Variants in PTPRD observed in about 807,000 individuals in gnomAD.
PTPRD encodes the protein receptor-type tyrosine-protein phosphatase delta.
In PTPRD, 34 loss-of-function variants were observed where a neutral mutation model predicts 214.5. That is an observed-to-expected ratio of 0.16 (90% CI 0.12 to 0.21). PTPRD has a LOEUF of 0.21. Among genes scored for constraint, PTPRD ranks in the 10% least tolerant of loss-of-function variants. PTPRD has a pLI of 1.00. For missense variants in PTPRD, 2,545 were observed against 2,398.7 expected (o/e 1.06, Z -1.27); for synonymous variants, 1,128 against 845.7 (o/e 1.33, Z -5.79).
Position 10,306,840 on chromosome 9 carries a change from C to T in PTPRD, c.-545+34123G>A, listed in dbSNP as rs1234369121. Among the ~76,000 whole-genome samples, 5 of 152,094 alleles carry T rather than the reference C, an allele frequency of 3.3e-5. No homozygotes were observed. The Middle Eastern group carries it at 0.01, about 313-fold the overall frequency. The stretch of plus-strand genomic sequence containing the variant: ...GTTCTAGTATTATCTCATTGGCATC[C>T]TAATTATAAATCTGCTATTATTCAT... On this transcript the variant is annotated intron_variant, in intron 3 of 45. Transcript: ENST00000381196.
intron 10 of PTPRD, among the ~76,000 whole-genome samples, chr9:9,037,070 T>C (rs1210706728): frequency 6.6e-6 from 1 of 152,128 alleles, no homozygotes; most frequent in African/African-American, 2.4e-5. Flanking sequence ...CAATGGTATG[T>C]CCATTTAAGA....
rs571153654 is a variant in PTPRD at position 10,400,083 on chromosome 9, T to C, written c.-599-59066A>G. Among the ~76,000 whole-genome samples, 44 of 151,934 alleles carry C rather than the reference T, an allele frequency of 2.9e-4. 1 individual carries two copies. The highest frequency in any genetic ancestry group is 1.0e-3 in the African/African-American group (42 of 41,518). On this transcript the variant is annotated intron_variant, in intron 2 of 45. Coordinates refer to ENST00000381196, the MANE Select transcript of PTPRD (RefSeq NM_002839.4). ...TATTTTATAGAGCATAACTCCGATA[T>C]AGTGGTTAAGCATGTGTTCACAGAA...
intron 14 of PTPRD, among the ~76,000 whole-genome samples, chr9:8,563,322 G>A (rs2087249979): frequency 6.6e-6 from 1 of 151,734 alleles, no homozygotes; most frequent in Non-Finnish European, 1.5e-5. Flanking sequence ...CAGACTGTAT[G>A]TTTTAGATAT....
At chr9:8,745,908 C>T (rs1236200282) in intron 11 of PTPRD, among the ~76,000 whole-genome samples, 1 of 152,048 alleles carries the variant, frequency 6.6e-6, no homozygotes, top group Non-Finnish European at 1.5e-5. Flanking sequence ...AGCTATCCTC[C>T]CGCCTCTACC....
Position 9,304,003 on chromosome 9 carries a change from G to T in PTPRD, c.-203+93446C>A, listed in dbSNP as rs886931008. ...CCTACTTCTTTCTACTCTCCAACTG[G>T]GCTCAAGGAGGGAACCCTTTCCAAC... On this transcript the variant is annotated intron_variant, in intron 9 of 45. Transcript: ENST00000381196. Among the ~76,000 whole-genome samples the T allele has an allele frequency of 2.6e-5, 4 of 152,018 alleles. No homozygotes were observed. In the South Asian group the frequency reaches 8.3e-4, roughly 32 times the overall value.
chr9:8,747,344 C>T (rs1289354214), intron 11 of PTPRD, among the ~76,000 whole-genome samples: 2 of 152,014 alleles, frequency 1.3e-5, no homozygotes, highest in Non-Finnish European at 2.9e-5. Flanking sequence ...TCCTCCATTC[C>T]CATACAACAA....
chr9:8,476,316 C>T (rs1180562989), intron 30 of PTPRD, among the ~76,000 whole-genome samples: 1 of 152,142 alleles, frequency 6.6e-6, no homozygotes, highest in African/African-American at 2.4e-5. Flanking sequence ...ATTCTAATGC[C>T]ACCACTGATC....
chr9:9,348,774 C>A (rs192352362), intron 9 of PTPRD, among the ~76,000 whole-genome samples: 3 of 152,160 alleles, frequency 2.0e-5, no homozygotes, highest in Admixed American at 2.0e-4. Context: ...AACATTTGTG[C>A]TATGGAGATT....
At chr9:9,072,934 C>T (rs544517029) in intron 10 of PTPRD, among the ~76,000 whole-genome samples, 8 of 152,104 alleles carry the variant, frequency 5.3e-5, no homozygotes, top group Non-Finnish European at 7.4e-5. Context: ...TAAAAAATTA[C>T]GTGCCATCTT....
intron 12 of PTPRD, among the ~76,000 whole-genome samples, chr9:8,651,035 A>C (rs540275125): frequency 6.6e-6 from 1 of 152,302 alleles, no homozygotes; most frequent in South Asian, 2.1e-4. Context: ...TTTCTGGTAT[A>C]CTTCCAATTG....
At chr9:9,440,060 A>T (rs1160571458) in intron 8 of PTPRD, among the ~76,000 whole-genome samples, 1 of 152,172 alleles carries the variant, frequency 6.6e-6, no homozygotes, top group Non-Finnish European at 1.5e-5. Flanking sequence ...GAAACCATAA[A>T]AATTCCTTCA....
chr9:10,105,065 T>C (rs752582868), intron 3 of PTPRD, among the ~76,000 whole-genome samples: 14 of 151,892 alleles, frequency 9.2e-5, no homozygotes, highest in Non-Finnish European at 1.6e-4. Context: ...ACATCTTTCC[T>C]GAACTAGCCT....
At chr9:8,968,711 A>C (rs976790633) in intron 11 of PTPRD, among the ~76,000 whole-genome samples, 1 of 152,126 alleles carries the variant, frequency 6.6e-6, no homozygotes, top group Non-Finnish European at 1.5e-5. Flanking sequence ...GAATCCAAAT[A>C]GTGTGATTTC....
chr9:10,610,416 T>G (rs976513055), intron 2 of PTPRD, among the ~76,000 whole-genome samples: 1 of 152,206 alleles, frequency 6.6e-6, no homozygotes. Flanking sequence ...GTGTAAAATA[T>G]GTCCTATACT....
intron 8 of PTPRD, among the ~76,000 whole-genome samples, chr9:9,407,158 G>A (rs903699608): frequency 2.0e-5 from 3 of 151,638 alleles, no homozygotes; most frequent in African/African-American, 4.8e-5. Context: ...TTGGCTTATC[G>A]ATATCTGAAA....
At chr9:10,132,696 C>A (rs1322159) in intron 3 of PTPRD, among the ~76,000 whole-genome samples, 16,044 of 152,182 alleles carry the variant, frequency 0.11, 1,119 homozygotes, top group South Asian at 0.26. Flanking sequence ...AGTAAGAGAT[C>A]AGGTAAGTGG....
rs34129547 is a variant in PTPRD at position 8,426,454 on chromosome 9, G to A, written c.4086+10138C>T. Among the ~76,000 whole-genome samples, 832 of 152,296 alleles carry A rather than the reference G, an allele frequency of 5.5e-3. 5 individuals are homozygous for A. Among genetic ancestry groups the A allele is most frequent in the Non-Finnish European group, 9.2e-3 (623 of 68,016 alleles). ...ATAAAAATGCAACTCAATAAAGAGT[G>A]TCTTTTTTCAGTCCTTGCTATGGTC... On this transcript the variant is annotated intron_variant, in intron 35 of 45. Coordinates refer to ENST00000381196, the MANE Select transcript of PTPRD (RefSeq NM_002839.4).
chr9:10,388,235 C>T (rs962883024), intron 2 of PTPRD, among the ~76,000 whole-genome samples: 21 of 151,634 alleles, frequency 1.4e-4, no homozygotes, highest in African/African-American at 2.4e-4. Flanking sequence ...AACAGAGAAA[C>T]GTGTGATTCA....
chr9:9,562,515 C>T (rs1283349815), intron 8 of PTPRD, among the ~76,000 whole-genome samples: 6 of 152,152 alleles, frequency 3.9e-5, no homozygotes, highest in Admixed American at 3.3e-4. Context: ...AAAGCTCTAC[C>T]TGACCTGCCT....
Sources: allele counts gnomAD v4.1 joint callset (sites outside exome capture counted in the v4.1 genomes callset), GRCh38; gene constraint gnomAD v4.1.1; transcripts MANE v1.5; gene names NCBI Gene and HGNC (gene_info 2026-07-23, HGNC 2026-07-21).